ARHGAP17: variants seen among roughly 807,000 people sequenced by gnomAD.
The protein encoded by ARHGAP17 is rho GTPase-activating protein 17.
A neutral mutation model predicts 99.5 loss-of-function variants in ARHGAP17; 57 were observed. That is an observed-to-expected ratio of 0.57 (90% CI 0.46 to 0.71). The LOEUF (loss-of-function observed/expected upper bound fraction) is 0.71. Ranked by LOEUF, ARHGAP17 falls within the 30% of genes least tolerant of loss-of-function variation. ARHGAP17 has a pLI of 0.00. For synonymous variants in ARHGAP17, 417 were observed against 429.6 expected (o/e 0.97, Z 0.36); for missense variants, 1,000 against 1,122.4 (o/e 0.89, Z 1.56).
intron 1 of ARHGAP17, among the ~76,000 whole-genome samples, chr16:25,008,845 T>C (rs1042496063): frequency 6.7e-6 from 1 of 150,064 alleles, no homozygotes; most frequent in Non-Finnish European, 1.5e-5. Context: ...AGTTCATTTC[T>C]TCCCCCCAGT....
Position 24,968,423 on chromosome 16 carries a change from T to A in ARHGAP17, c.389A>T (p.Glu130Val). 2 of 1,614,208 alleles carry A rather than the reference T, an allele frequency of 1.2e-6. No individual in the cohort carries two copies. Among genetic ancestry groups the A allele is most frequent in the Non-Finnish European group, 1.7e-6 (2 of 1,180,026 alleles). The change falls in exon 6 of 20, where the codon GAG becomes GTG. Residue 130 changes from glutamate to valine, a missense_variant. Physicochemically the swap from Glu to Val is moderately radical, Grantham distance 121. Coordinates refer to ENST00000289968, the MANE Select transcript of ARHGAP17 (RefSeq NM_001006634.3). ...CCTCTGCTTCTGGATGTTGGGAATC[T>A]CCACCTAAAAATAAGAACATACCAA... ...VDPLYGIAEVEIPNIQKQRKQ... is the reference protein window; with the variant it reads ...VDPLYGIAEVVIPNIQKQRKQ...
intron 9 of ARHGAP17, chr16:24,956,893 G>A (rs9936752): frequency 0.49 from 75,084 of 152,138 alleles, 19,947 homozygotes; most frequent in African/African-American, 0.7. Flanking sequence ...TTCAGCTGTC[G>A]GAGAAGGCTT....
At chr16:24,944,606 ATTTT>A (rs1363023725) in intron 14 of ARHGAP17, among the ~76,000 whole-genome samples, 1 of 151,874 alleles carries the variant, frequency 6.6e-6, no homozygotes, top group African/African-American at 2.4e-5. Flanking sequence ...TGTGCCTTTT[ATTTT>A]TTATTTTTTT....
At chr16:24,959,261 CT>C (rs1408808984) in intron 9 of ARHGAP17, among the ~76,000 whole-genome samples, 1 of 152,168 alleles carries the variant, frequency 6.6e-6, no homozygotes, top group Admixed American at 6.5e-5. Flanking sequence ...ACTGGCTTCT[CT>C]TTTGGAAAGT....
At chr16:24,991,018 T>C (rs1046132833) in intron 1 of ARHGAP17, among the ~76,000 whole-genome samples, 1 of 152,158 alleles carries the variant, frequency 6.6e-6, no homozygotes, top group African/African-American at 2.4e-5. Context: ...CGCTGCGGCC[T>C]TCACAGACAG....
chr16:24,920,515 C>T (rs1272481022), intron 19 of ARHGAP17: 5 of 393,216 alleles, frequency 1.3e-5, no homozygotes, highest in Non-Finnish European at 2.4e-5. Context: ...CTTGGAGATG[C>T]AGCTTTTAAA....
chr16:25,014,158 C>A (rs1375939225), intron 1 of ARHGAP17, among the ~76,000 whole-genome samples: 2 of 151,784 alleles, frequency 1.3e-5, no homozygotes, highest in Non-Finnish European at 2.9e-5. Context: ...TTCATACACT[C>A]AAAAAAAAGA....
At chr16:24,953,171 C>T (rs749030324) in intron 10 of ARHGAP17, 129 bp from the exon 11 acceptor site, 5 of 768,112 alleles carry the variant, frequency 6.5e-6, no homozygotes, top group African/African-American at 1.7e-5. Flanking sequence ...TTACTGCCTG[C>T]CCTGCAGGGC....
Position 24,950,836 on chromosome 16 carries a change from C to CAAA in ARHGAP17, c.1047-1355_1047-1353dup, listed in dbSNP as rs1177614713. On this transcript the variant is annotated intron_variant, in intron 12 of 19. Coordinates refer to ENST00000289968, the MANE Select transcript of ARHGAP17 (RefSeq NM_001006634.3). ...TGGGCGACAGAGTGGGACTCCAACT[C>CAAA]AAAAAAAAAAAAAAAAAAAAAAGAA... is the stretch of plus-strand genomic sequence containing the variant. 2.4e-3 allele frequency among the ~76,000 whole-genome samples: 94 copies of CAAA among 39,374 alleles called. 1 individual carries two copies. Among genetic ancestry groups the CAAA allele is most frequent in the Middle Eastern group, 0.012 (1 of 84 alleles). The allele number at this position is 39,374 out of a possible 152,430, so 25.8% of individuals were successfully genotyped here. A position where few individuals can be genotyped will look rare whatever the true frequency, so the allele number is the denominator to read the frequency against.
intron 19 of ARHGAP17, chr16:24,921,094 G>A (rs1450451141): frequency 2.6e-5 from 4 of 152,240 alleles, no homozygotes; most frequent in African/African-American, 9.6e-5. Context: ...ATTCATTTAT[G>A]CATGAACAAA....
At chr16:24,932,640 A>C (rs1404819024) in intron 18 of ARHGAP17, among the ~76,000 whole-genome samples, 1 of 152,144 alleles carries the variant, frequency 6.6e-6, no homozygotes, top group Non-Finnish European at 1.5e-5. Flanking sequence ...TCCTGGACAA[A>C]AGCATGAATA....
At chr16:24,974,258 CTG>C (rs1168104485) in intron 3 of ARHGAP17, among the ~76,000 whole-genome samples, 1 of 152,192 alleles carries the variant, frequency 6.6e-6, no homozygotes, top group African/African-American at 2.4e-5. Flanking sequence ...TGGTGAAATC[CTG>C]TCTCTACTAA....
chr16:24,955,039 A>T lies in ARHGAP17; in HGVS notation c.725-309T>A. 1 of 281,924 alleles carries T rather than the reference A, an allele frequency of 3.5e-6. No homozygotes were observed. Among genetic ancestry groups the T allele is most frequent in the Non-Finnish European group, 6.6e-6 (1 of 151,804 alleles). 17.5% of individuals were successfully genotyped at this position (281,924 alleles called of 1,614,324 possible). Reference sequence around the variant, plus strand: ...TTCATCAACACACGCCAGCGGGTTTAGTGGGCTGCCTTGAACCAAAAGGAA... The same window carrying T: ...TTCATCAACACACGCCAGCGGGTTTTGTGGGCTGCCTTGAACCAAAAGGAA... On this transcript the variant is annotated intron_variant, in intron 9 of 19. Coordinates refer to ENST00000289968, the MANE Select transcript of ARHGAP17 (RefSeq NM_001006634.3). This position sits in a 1 kb window ranked among gnomAD's most constrained non-coding sequence, Gnocchi z 4.0.
At chr16:24,975,319 T>C (rs2052482467) in intron 3 of ARHGAP17, among the ~76,000 whole-genome samples, 1 of 152,138 alleles carries the variant, frequency 6.6e-6, no homozygotes, top group African/African-American at 2.4e-5. Flanking sequence ...GGCTTAGAAG[T>C]CACTGGCATA....
intron 19 of ARHGAP17, among the ~76,000 whole-genome samples, chr16:24,926,374 C>T (rs1034182351): frequency 1.3e-5 from 2 of 152,030 alleles, no homozygotes; most frequent in African/African-American, 4.8e-5. Flanking sequence ...AGTTCTCCTG[C>T]CTTGGCCTCC....
At chr16:24,953,182 T>TGTC in intron 10 of ARHGAP17, 140 bp from the exon 11 acceptor site, 1 of 716,908 alleles carries the variant, frequency 1.4e-6, no homozygotes, top group Non-Finnish European at 2.4e-6. Context: ...CCTGCAGGGC[T>TGTC]GTCAGGAGGA....
intron 1 of ARHGAP17, among the ~76,000 whole-genome samples, chr16:25,001,265 C>CAA (rs56068079): frequency 4.7e-5 from 7 of 150,160 alleles, no homozygotes; most frequent in African/African-American, 1.7e-4. Flanking sequence ...ATTTAAAAAA[C>CAA]AAAAAAAAAT....
chr16:24,952,893 G>A (rs1269960319), intron 11 of ARHGAP17, 38 bp downstream of exon 11: 1 of 1,592,038 alleles, frequency 6.3e-7, no homozygotes, highest in African/African-American at 1.3e-5. Flanking sequence ...CCACCGCCTT[G>A]AGGGTGACTT....
chr16:24,924,095 G>T (rs561696923), intron 19 of ARHGAP17, among the ~76,000 whole-genome samples: 1 of 152,106 alleles, frequency 6.6e-6, no homozygotes, highest in Non-Finnish European at 1.5e-5. Context: ...ACTGCAGGGC[G>T]AATAAACTCC....
Sources: allele counts gnomAD v4.1 joint callset (sites outside exome capture counted in the v4.1 genomes callset), GRCh38; gene constraint gnomAD v4.1.1; non-coding constraint Gnocchi (gnomAD v3.1); transcripts MANE v1.5; gene names NCBI Gene and HGNC (gene_info 2026-07-23, HGNC 2026-07-21).